The following CLNK variants were observed in gnomAD, a reference collection of about 807,000 sequenced individuals.
CLNK encodes the protein cytokine dependent hematopoietic cell linker.
Under a neutral mutation model 68.6 loss-of-function variants are expected in CLNK, and 74 were observed. That is an observed-to-expected ratio of 1.08 (90% CI 0.89 to 1.31). CLNK has a LOEUF of 1.31. Ranked by LOEUF, CLNK falls within the 50% of genes most tolerant of loss-of-function variation. The probability of loss-of-function intolerance (pLI) is 0.00; values close to 1 mark genes in which losing one functional copy is unlikely to be tolerated. For synonymous variants in CLNK, 198 were observed against 172.2 expected (o/e 1.15, Z -1.17); for missense variants, 553 against 515.3 (o/e 1.07, Z -0.71).
chr4:10,608,719 T>C (rs1362037583), intron 2 of CLNK, among the ~76,000 whole-genome samples: 2 of 152,218 alleles, frequency 1.3e-5, no homozygotes, highest in Non-Finnish European at 2.9e-5. Flanking sequence ...GTAGCCTCTG[T>C]GGGCTGGGGA....
intron 8 of CLNK, among the ~76,000 whole-genome samples, chr4:10,553,058 G>GC (rs1360409038): frequency 6.6e-6 from 1 of 151,908 alleles, no homozygotes; most frequent in Non-Finnish European, 1.5e-5. Context: ...AGGAGGGGGG[G>GC]GCATGCAGGG....
intron 2 of CLNK, 111 bp from the exon 3 acceptor site, chr4:10,598,160 A>T (rs1391041466): frequency 1.6e-5 from 11 of 700,068 alleles, no homozygotes; most frequent in Non-Finnish European, 2.4e-5. Context: ...TTAAGTAATT[A>T]TGTCTCACAC....
chr4:10,588,414 C>A (rs1721063033), intron 3 of CLNK, among the ~76,000 whole-genome samples: 1 of 152,144 alleles, frequency 6.6e-6, no homozygotes, highest in Non-Finnish European at 1.5e-5. Context: ...AATGGGAGAA[C>A]TGGGGCCTAG....
chr4:10,641,787 G>A (rs1054756705), intron 2 of CLNK, among the ~76,000 whole-genome samples: 13 of 152,124 alleles, frequency 8.5e-5, no homozygotes, highest in Non-Finnish European at 1.2e-4. Flanking sequence ...TAATTCTCAC[G>A]TATTGTGGGA....
At chr4:10,589,114 CATA>C (rs1184577076) in intron 3 of CLNK, among the ~76,000 whole-genome samples, 1 of 152,172 alleles carries the variant, frequency 6.6e-6, no homozygotes, top group East Asian at 1.9e-4. Flanking sequence ...CACACTTAAT[CATA>C]ATAATAAGTA....
intron 2 of CLNK, among the ~76,000 whole-genome samples, chr4:10,627,681 T>G (rs1196458550): frequency 3.3e-5 from 5 of 152,148 alleles, no homozygotes; most frequent in African/African-American, 1.2e-4. Context: ...GCAGGGTGAT[T>G]GCTAACTACT....
chr4:10,647,281 C>T (rs1723550290), intron 2 of CLNK, among the ~76,000 whole-genome samples: 1 of 152,154 alleles, frequency 6.6e-6, no homozygotes, highest in Non-Finnish European at 1.5e-5. Flanking sequence ...GACTTAGTAC[C>T]TGCTATCACA....
chr4:10,526,060 A>G, intron 13 of CLNK, 138 bp from the exon 14 acceptor site: 3 of 610,558 alleles, frequency 4.9e-6, no homozygotes, highest in Non-Finnish European at 8.7e-6. Flanking sequence ...GGTCGGTGGA[A>G]ACTATAACTC....
In CLNK at chr4:10,568,456, T is replaced by C. The variant is rs75876230; in HGVS notation, c.151-2306A>G. Among the ~76,000 whole-genome samples the C allele has an allele frequency of 7.8e-3, 1,187 of 152,208 alleles. 21 individuals are homozygous for C. Among genetic ancestry groups the C allele is most frequent in the East Asian group, 0.056 (293 of 5,188 alleles). On this transcript the variant is annotated intron_variant, in intron 5 of 18. Transcript: ENST00000226951. ...TGATGGTTATGCAACTCTGTGAATA[T>C]ACAAAAAAACCATTAAATTGTACTC...
Position 10,488,177 on chromosome 4 carries a change from T to A in CLNK, c.*2290A>T, listed in dbSNP as rs1360271917. 3 of 152,242 alleles carry A rather than the reference T, an allele frequency of 2.0e-5. No homozygotes were observed. Among genetic ancestry groups the A allele is most frequent in the African/African-American group, 7.2e-5 (3 of 41,458 alleles). The allele number at this position is 152,242 out of a possible 1,614,324, so 9.4% of individuals were successfully genotyped here. On this transcript the variant is annotated 3_prime_UTR_variant, in exon 19 of 19. Transcript: ENST00000226951. ...CTGAATTTCTACTTCTTTTTTCTTC[T>A]TGGAATTATATGTTGTATTTGTGAA...
the CLNK span, among the ~76,000 whole-genome samples, chr4:10,698,397 C>T: frequency 2.6e-5 from 4 of 152,012 alleles, no homozygotes; most frequent in Admixed American, 6.6e-5. Context: ...ATTATTACGC[C>T]CTTAGTAAAT....
chr4:10,607,689 GTCC>G (rs961720412), intron 2 of CLNK, among the ~76,000 whole-genome samples: 4 of 152,174 alleles, frequency 2.6e-5, no homozygotes, highest in Non-Finnish European at 5.9e-5. Context: ...TGCTCAGAGG[GTCC>G]TATACATCTT....
rs544927597 is a variant in CLNK, at chr4:10,489,108, G to C, written c.*1359C>G. On this transcript the variant is annotated 3_prime_UTR_variant, in exon 19 of 19. Coordinates refer to ENST00000226951, the MANE Select transcript of CLNK (RefSeq NM_052964.4). Reference sequence around the variant, plus strand: ...TAGCTTTTCAACTTGATTGTAAAATGTCACAGCGCAGAGAATGTACCTGGG... The same window carrying C: ...TAGCTTTTCAACTTGATTGTAAAATCTCACAGCGCAGAGAATGTACCTGGG... The C allele has an allele frequency of 6.6e-6, 1 of 151,540 alleles. No homozygotes were observed. The highest frequency in any genetic ancestry group is 6.6e-5 in the Admixed American group (1 of 15,216). 9.4% of individuals were successfully genotyped at this position (151,540 alleles called of 1,614,324 possible).
At chr4:10,699,466 G>C in the CLNK span, among the ~76,000 whole-genome samples, 203 of 60,548 alleles carry the variant, frequency 3.4e-3, 2 homozygotes, top group South Asian at 7.5e-3. Context: ...CATCCTCTCT[G>C]TCTCTCTCTC....
chr4:10,543,196 G>T (rs1359023989), intron 8 of CLNK, among the ~76,000 whole-genome samples: 3 of 152,180 alleles, frequency 2.0e-5, no homozygotes, highest in Non-Finnish European at 4.4e-5. Flanking sequence ...AGGATGTCAA[G>T]TAGAGAAGGA....
chr4:10,562,102 T>C (rs1389170452), intron 7 of CLNK, among the ~76,000 whole-genome samples: 2 of 1,098 alleles, frequency 1.8e-3, no homozygotes, highest in Non-Finnish European at 3.1e-3. Flanking sequence ...TTTTCTTTTC[T>C]TTTTTTTTTT....
chr4:10,496,427 T>G (rs1016224459), intron 18 of CLNK, among the ~76,000 whole-genome samples: 2 of 152,204 alleles, frequency 1.3e-5, no homozygotes, highest in African/African-American at 4.8e-5. Flanking sequence ...GTGAAAAGCA[T>G]GAGGGAACTG....
At position 10,656,920 on chromosome 4, in the gene CLNK, G is replaced by T. The variant is rs117572182; in HGVS notation, c.11+10939C>A. Among the ~76,000 whole-genome samples, 1,388 of 152,194 alleles carry T rather than the reference G, an allele frequency of 9.1e-3. 42 individuals carry two copies. The East Asian group carries it at 0.12, about 13-fold the overall frequency. The stretch of plus-strand genomic sequence containing the variant: ...TCCACAATAGCATGGATTATCTTTG[G>T]AATGTACATTGGGGCAGTCATAAAA... On this transcript the variant is annotated intron_variant, in intron 2 of 18. Transcript: ENST00000226951.
At chr4:10,610,033 GTTTTTTTTTTTTTTTTTTTTTTTTTT>G (rs71181047) in intron 2 of CLNK, among the ~76,000 whole-genome samples, 2 of 73,430 alleles carry the variant, frequency 2.7e-5, no homozygotes, top group African/African-American at 6.5e-5. Context: ...ATGAATGCTC[GTTTTTTTTTTTTTTTTTTTTTTTTTT>G]TTTTTTTTTT....
Sources: gnomAD v4.1 joint callset for allele counts (sites outside exome capture counted in the v4.1 genomes callset) on GRCh38, gnomAD v4.1.1 for gene constraint, MANE v1.5 for transcripts, NCBI Gene and HGNC (gene_info 2026-07-23, HGNC 2026-07-21) for gene names.